The following PPP1R13B variants were observed in gnomAD, a reference collection of about 807,000 sequenced individuals.
The protein encoded by PPP1R13B is apoptosis-stimulating of p53 protein 1.
A neutral mutation model predicts 119.8 loss-of-function variants in PPP1R13B; 44 were observed. The ratio of observed to expected loss-of-function variants is 0.37; its 90% CI spans 0.29 to 0.47. The LOEUF is 0.47. Ranked by LOEUF, PPP1R13B falls within the 20% of genes least tolerant of loss-of-function variation. PPP1R13B has a pLI of 0.99. For missense variants in PPP1R13B, 1,227 were observed against 1,413.5 expected, an observed-to-expected ratio of 0.87 and a Z score of 2.12; for synonymous variants, 542 against 561.5, an observed-to-expected ratio of 0.97 and a Z score of 0.49.
intron 4 of PPP1R13B, among the ~76,000 whole-genome samples, chr14:103,758,175 G>A (rs540418977): frequency 5.9e-5 from 9 of 152,238 alleles, no homozygotes; most frequent in African/African-American, 1.7e-4. Context: ...ATGAAAATAC[G>A]TAACAGATTC....
At chr14:103,778,656 T>A in intron 4 of PPP1R13B, 89 bp downstream of exon 4, 1 of 1,021,544 alleles carries the variant, frequency 9.8e-7, no homozygotes, top group Non-Finnish European at 1.5e-6. Flanking sequence ...TCCTCCCACC[T>A]TGGCCTCCCA....
At chr14:103,756,761 G>GA (rs2084686988) in intron 5 of PPP1R13B, among the ~76,000 whole-genome samples, 2 of 148,880 alleles carry the variant, frequency 1.3e-5, no homozygotes, top group African/African-American at 2.5e-5. Context: ...CGATTTCTTT[G>GA]TTTTTTTTTT....
At chr14:103,759,193 C>T (rs113639443) in intron 4 of PPP1R13B, 13 of 152,108 alleles carry the variant, frequency 8.5e-5, no homozygotes, top group Admixed American at 6.6e-4. Flanking sequence ...CTCCTGACCT[C>T]GTGATCTGCC....
chr14:103,827,648 A>T (rs983047422), intron 1 of PPP1R13B, among the ~76,000 whole-genome samples: 1 of 148,702 alleles, frequency 6.7e-6, no homozygotes, highest in Admixed American at 6.8e-5. Context: ...TATAAAGTAT[A>T]TATAATACTA....
At chr14:103,744,058 AG>A (rs1419010650) in intron 9 of PPP1R13B, 2 of 152,208 alleles carry the variant, frequency 1.3e-5, no homozygotes, top group African/African-American at 4.8e-5. Context: ...CGTGGCCTGG[AG>A]GATGTGTGGC....
At chr14:103,782,986 G>A (rs182008665) in intron 3 of PPP1R13B, among the ~76,000 whole-genome samples, 36 of 152,040 alleles carry the variant, frequency 2.4e-4, no homozygotes, top group African/African-American at 8.7e-4. Context: ...TGTATTTTTA[G>A]TAGAGACGGG....
intron 1 of PPP1R13B, among the ~76,000 whole-genome samples, chr14:103,799,002 T>C (rs1354766035): frequency 6.6e-6 from 1 of 150,854 alleles, no homozygotes; most frequent in East Asian, 2.0e-4. Flanking sequence ...TTTTTGTTTG[T>C]TTGTTTGTTT....
chr14:103,840,833 T>C (rs1232140575), intron 1 of PPP1R13B, among the ~76,000 whole-genome samples: 1 of 152,018 alleles, frequency 6.6e-6, no homozygotes, highest in East Asian at 1.9e-4. Flanking sequence ...CATTATTGTG[T>C]ATTTTGAAAC....
intron 1 of PPP1R13B, among the ~76,000 whole-genome samples, chr14:103,808,027 G>A (rs1253214265): frequency 2.0e-5 from 3 of 151,934 alleles, no homozygotes; most frequent in Non-Finnish European, 4.4e-5. Flanking sequence ...GATCATTTGA[G>A]GTCAGGAGTT....
At chr14:103,847,158 G>A (rs2087066244) in intron 1 of PPP1R13B, 141 bp downstream of exon 1, 4 of 985,704 alleles carry the variant, frequency 4.1e-6, no homozygotes, top group Non-Finnish European at 3.6e-6. Context: ...CGCCGCGGCC[G>A]GGCGCGCCCG....
chr14:103,791,228 C>T (rs879329463), intron 2 of PPP1R13B, among the ~76,000 whole-genome samples: 2 of 151,930 alleles, frequency 1.3e-5, no homozygotes, highest in Non-Finnish European at 2.9e-5. Context: ...CTCAAGGGAT[C>T]CTCCTGCCTC....
intron 4 of PPP1R13B, among the ~76,000 whole-genome samples, chr14:103,770,626 A>G (rs1446793784): frequency 6.6e-6 from 1 of 152,170 alleles, no homozygotes; most frequent in Non-Finnish European, 1.5e-5. Context: ...ATGGGCTATC[A>G]AAGTGCACAG....
chr14:103,821,665 T>C (rs1432374459), intron 1 of PPP1R13B, among the ~76,000 whole-genome samples: 1 of 152,038 alleles, frequency 6.6e-6, no homozygotes. Context: ...GCAGGAGAAT[T>C]GCTTGAACCC....
intron 1 of PPP1R13B, among the ~76,000 whole-genome samples, chr14:103,823,921 A>G (rs1466342018): frequency 6.6e-6 from 1 of 151,458 alleles, no homozygotes. Context: ...ATCCTTTCAA[A>G]CCCTTTCTAC....
At chr14:103,753,583 T>G (rs2084600929) in intron 6 of PPP1R13B, among the ~76,000 whole-genome samples, 1 of 152,088 alleles carries the variant, frequency 6.6e-6, no homozygotes. Context: ...AGAAAAAAAG[T>G]GAGCATCAGC....
intron 2 of PPP1R13B, among the ~76,000 whole-genome samples, chr14:103,794,940 C>T (rs751490700): frequency 2.0e-5 from 3 of 152,040 alleles, no homozygotes; most frequent in Non-Finnish European, 4.4e-5. Flanking sequence ...ACTACTACTA[C>T]ATTATGTTTG....
chr14:103,785,682 TTG>T (rs763324823), intron 2 of PPP1R13B, among the ~76,000 whole-genome samples: 20 of 151,846 alleles, frequency 1.3e-4, no homozygotes, highest in Non-Finnish European at 2.5e-4. Flanking sequence ...CAGCTAATTT[TTG>T]TGTTTTTAGG....
chr14:103,737,717 A>G lies in PPP1R13B; in HGVS notation c.3008T>C (p.Ile1003Thr), dbSNP rs768304119. 15 of 1,614,092 alleles carry G rather than the reference A, an allele frequency of 9.3e-6. No individual in the cohort carries two copies. The highest frequency in any genetic ancestry group is 1.7e-5 in the Admixed American group (1 of 60,002). Reference protein sequence around the residue: ...DKCEEMEEGYIQCSQFLYGVQ... With the variant: ...DKCEEMEEGYTQCSQFLYGVQ... The stretch of plus-strand genomic sequence containing the variant: ...ACCATATAGAAACTGGGAGCACTGG[A>G]TGTAGCCTTCCTCCATCTCCTCACA... The change falls in exon 15 of 17, where the codon ATC (isoleucine) becomes ACC (threonine). Residue 1003 changes from isoleucine to threonine, a missense_variant. Physicochemically the swap from Ile to Thr is moderately conservative, Grantham distance 89 (BLOSUM62 -1). Coordinates refer to ENST00000202556, the MANE Select transcript of PPP1R13B (RefSeq NM_015316.3).
intron 4 of PPP1R13B, among the ~76,000 whole-genome samples, chr14:103,769,757 A>G (rs1011273820): frequency 6.6e-6 from 1 of 152,180 alleles, no homozygotes; most frequent in African/African-American, 2.4e-5. Flanking sequence ...TTGCCCATTT[A>G]GCAAACAAAA....
Sources: allele counts gnomAD v4.1 joint callset (sites outside exome capture counted in the v4.1 genomes callset), GRCh38; gene constraint gnomAD v4.1.1; transcripts MANE v1.5; gene names NCBI Gene and HGNC (gene_info 2026-07-23, HGNC 2026-07-21).